Variants in DNAH5 observed in about 807,000 individuals in gnomAD.
DNAH5 encodes the protein dynein axonemal heavy chain 5, also known as axonemal beta dynein heavy chain 5.
In DNAH5, 372 loss-of-function variants were observed where a neutral mutation model predicts 518.2. That is an observed-to-expected ratio of 0.72 (90% confidence interval 0.66 to 0.78). The LOEUF is 0.78. Among genes scored for constraint, DNAH5 ranks in the 30% least tolerant of loss-of-function variants. The pLI is 0.00. For synonymous variants in DNAH5, 2,039 were observed against 2,025.9 expected, an observed-to-expected ratio of 1.01 and a Z score of -0.17; for missense variants, 5,523 against 5,687.0, an observed-to-expected ratio of 0.97 and a Z score of 0.93.
chr5:13,892,089 TA>T (rs1422595154), intron 16 of DNAH5, among the ~76,000 whole-genome samples: 3 of 131,620 alleles, frequency 2.3e-5, no homozygotes, highest in Non-Finnish European at 4.9e-5. Context: ...TCCTAAAGAA[TA>T]AAAGCCTAAA....
chr5:13,770,985 A>G lies in DNAH5; in HGVS notation c.9374-5T>C, dbSNP rs936631893. On this transcript the variant is annotated splice_region_variant and splice_polypyrimidine_tract_variant and intron_variant, in intron 55 of 78. Coordinates refer to ENST00000265104, the MANE Select transcript of DNAH5 (RefSeq NM_001369.3). ...AAGTGAGGAAGTGTTCAGACACTAG[A>G]GAGAATAAAGATGACAGTGTGTGAA... The G allele has an allele frequency of 4.4e-6, 7 of 1,591,230 alleles. No individual in the cohort carries two copies. The African/African-American group carries it at 8.1e-5, about 18-fold the overall frequency.
At position 13,917,203 on chromosome 5, in the gene DNAH5, G is replaced by A; in HGVS notation, c.1029C>T (p.Asp343=). Reference sequence around the variant, plus strand: ...CAAGTGTATACAAGTATTTCACATTGTCCTTTGCTTCATTAGTTGCATCAG... The same window carrying A: ...CAAGTGTATACAAGTATTTCACATTATCCTTTGCTTCATTAGTTGCATCAG... ...RITDATNEAK[D]NVKYLYTLEK... Residue 343 remains aspartate, a synonymous_variant, in exon 8 of 79, where the codon GAC becomes GAT. Coordinates refer to ENST00000265104, the MANE Select transcript of DNAH5 (RefSeq NM_001369.3). 6.2e-7 allele frequency: 1 copy of A among 1,613,974 alleles called. No individual in the cohort carries two copies. Among genetic ancestry groups the A allele is most frequent in the Non-Finnish European group, 8.5e-7 (1 of 1,179,966 alleles).
intron 1 of DNAH5, among the ~76,000 whole-genome samples, chr5:13,979,038 C>T (rs996882801): frequency 6.6e-6 from 1 of 152,068 alleles, no homozygotes; most frequent in Non-Finnish European, 1.5e-5. Context: ...GCCTCGAGAA[C>T]CCCACCCCAT....
chr5:13,862,333 T>C (rs1003111154), intron 29 of DNAH5, among the ~76,000 whole-genome samples: 1 of 152,208 alleles, frequency 6.6e-6, no homozygotes, highest in Non-Finnish European at 1.5e-5. Flanking sequence ...CAAGAATAAT[T>C]GAAATATAAT....
At chr5:13,940,187 G>A (rs1000377451) in intron 1 of DNAH5, among the ~76,000 whole-genome samples, 5 of 151,882 alleles carry the variant, frequency 3.3e-5, no homozygotes, top group African/African-American at 4.8e-5. Context: ...CACCTCCCCC[G>A]ACATTCCATC....
intron 55 of DNAH5, among the ~76,000 whole-genome samples, chr5:13,775,404 TGATGGATAGATG>T (rs1460742566): frequency 3.9e-5 from 6 of 152,038 alleles, no homozygotes; most frequent in Admixed American, 3.9e-4. Context: ...AATAAATAGA[TGATGGATAGATG>T]GATGGATAGA....
rs776835054 is a variant in DNAH5 at position 13,866,249 on chromosome 5, C to T, written c.4087G>A (p.Glu1363Lys). The T allele has an allele frequency of 6.2e-7, 1 of 1,613,318 alleles. No homozygotes were observed. The highest frequency in any genetic ancestry group is 8.5e-7 in the Non-Finnish European group (1 of 1,179,780). The change falls in exon 26 of 79, where the codon GAA becomes AAA. Residue 1363 changes from glutamate to lysine, a missense_variant. Physicochemically the swap from Glu to Lys is moderately conservative, Grantham distance 56 (BLOSUM62 1). Coordinates refer to ENST00000265104, the MANE Select transcript of DNAH5 (RefSeq NM_001369.3). Reference sequence around the variant, plus strand: ...AACATGATAAGCCTGTCACTGGCTTCCTGGGGCTTCAAGCCGCTAGCCATT... The same window carrying T: ...AACATGATAAGCCTGTCACTGGCTTTCTGGGGCTTCAAGCCGCTAGCCATT... ...GPMASGLKPQ[E>K]ASDRLIMFQN...
intron 55 of DNAH5, among the ~76,000 whole-genome samples, chr5:13,775,125 TC>T (rs111686762): frequency 1.9e-4 from 27 of 143,686 alleles, no homozygotes; most frequent in Admixed American, 5.7e-4. Flanking sequence ...AGAGCTACAC[TC>T]CTTTTTGTTT....
intron 56 of DNAH5, 142 bp downstream of exon 56, chr5:13,770,607 G>T: frequency 1.4e-6 from 1 of 738,236 alleles, no homozygotes; most frequent in Non-Finnish European, 2.4e-6. Context: ...CTACATGCCA[G>T]CAGTACCCCT....
intron 40 of DNAH5, among the ~76,000 whole-genome samples, chr5:13,821,865 G>C (rs912093040): frequency 1.3e-5 from 2 of 152,088 alleles, no homozygotes; most frequent in Admixed American, 1.3e-4. Flanking sequence ...CGTGATCACA[G>C]CTCACTGCAG....
chr5:13,978,823 A>C (rs1345445163), intron 1 of DNAH5, among the ~76,000 whole-genome samples: 2 of 152,188 alleles, frequency 1.3e-5, no homozygotes, highest in Non-Finnish European at 2.9e-5. Context: ...ATTTATCAGA[A>C]TGTATCTCCA....
In DNAH5 at chr5:13,807,745, A is replaced by C. The variant is rs1759859964; in HGVS notation, c.7753-20T>G. 1 of 1,589,458 alleles carries C rather than the reference A, an allele frequency of 6.3e-7. No individual in the cohort carries two copies. Among genetic ancestry groups the C allele is most frequent in the East Asian group, 2.2e-5 (1 of 44,556 alleles). On this transcript the variant is annotated intron_variant, in intron 46 of 78. Coordinates refer to ENST00000265104, the MANE Select transcript of DNAH5 (RefSeq NM_001369.3). ...CACAGCCTAAAATAGAGGGAATTGA[A>C]AAAAAAAGAAATGAAATAAATGAGT...
In DNAH5 at chr5:13,916,418, G is replaced by T. The variant is rs1182539247; in HGVS notation, c.1127C>A (p.Ala376Glu). Residue 376 changes from alanine (A) to glutamate (E), a missense_variant, in exon 9 of 79, where the codon GCA (alanine) becomes GAA (glutamate). Ala to Glu is a moderately radical substitution (Grantham distance 107). Transcript: ENST00000265104. ...AGAGATACTATAGATCATTTTAATT[G>T]CATTTATAAGTGTAGGAATAGCATC... ...MMDAIPTLINAIKMIYSISHY... is the reference protein window; with the variant it reads ...MMDAIPTLINEIKMIYSISHY... 6 of 1,555,828 alleles carry T rather than the reference G, an allele frequency of 3.9e-6. No individual in the cohort carries two copies. The highest frequency in any genetic ancestry group is 5.3e-6 in the Non-Finnish European group (6 of 1,129,506).
chr5:13,944,854 A>ATATT (rs1488372913), upstream of DNAH5, among the ~76,000 whole-genome samples: 3 of 152,352 alleles, frequency 2.0e-5, no homozygotes, highest in African/African-American at 7.2e-5. Context: ...TGATATCTAA[A>ATATT]TAGTTTCTTT....
intron 22 of DNAH5, among the ~76,000 whole-genome samples, chr5:13,874,163 T>C (rs977604247): frequency 6.6e-6 from 1 of 152,180 alleles, no homozygotes; most frequent in African/African-American, 2.4e-5. Flanking sequence ...ACCTGAAGTG[T>C]TGACATGCAG....
chr5:13,859,385 A>T, intron 30 of DNAH5, 67 bp downstream of exon 30: 1 of 1,536,284 alleles, frequency 6.5e-7, no homozygotes, highest in Non-Finnish European at 9.0e-7. Flanking sequence ...TGCATTATTT[A>T]AGGGGGTAAT....
chr5:13,961,047 T>C (rs1217468722), intron 1 of DNAH5, among the ~76,000 whole-genome samples: 2 of 152,186 alleles, frequency 1.3e-5, no homozygotes, highest in Non-Finnish European at 2.9e-5. Flanking sequence ...GGAATGAGTT[T>C]CCCCAGGCCC....
At chr5:13,844,166 G>C (rs973237786) in intron 32 of DNAH5, among the ~76,000 whole-genome samples, 1 of 152,184 alleles carries the variant, frequency 6.6e-6, no homozygotes, top group African/African-American at 2.4e-5. Context: ...CCAGTGTTAA[G>C]CATGACATCT....
chr5:14,004,394 A>G (rs1469321903), intron 1 of DNAH5, among the ~76,000 whole-genome samples: 10 of 152,234 alleles, frequency 6.6e-5, no homozygotes, highest in African/African-American at 2.4e-4. Flanking sequence ...AGGCCTGAGT[A>G]CCAAACAACA....
Sources: allele counts gnomAD v4.1 joint callset (sites outside exome capture counted in the v4.1 genomes callset), GRCh38; gene constraint gnomAD v4.1.1; transcripts MANE v1.5; gene names NCBI Gene and HGNC (gene_info 2026-07-23, HGNC 2026-07-21).